CD244: variants seen among roughly 807,000 people sequenced by gnomAD.
CD244 encodes CD244 molecule.
CD244 carries 20 observed loss-of-function variants against 45.5 expected under a neutral mutation model. The ratio of observed to expected loss-of-function variants is 0.44; its 90% confidence interval spans 0.31 to 0.64. The LOEUF is 0.64. CD244 is among the 30% of genes least tolerant of loss of function. The pLI, the probability that CD244 is intolerant of heterozygous loss-of-function variation, is 0.08. For missense variants in CD244, 407 were observed against 426.9 expected (o/e 0.95, Z 0.41); for synonymous variants, 185 against 160.5 (o/e 1.15, Z -1.15).
chr1:160,842,920 C>A (rs1669595332), intron 1 of CD244, among the ~76,000 whole-genome samples: 1 of 152,062 alleles, frequency 6.6e-6, no homozygotes, highest in African/African-American at 2.4e-5. Context: ...CATGGCCCAG[C>A]AGGTGCAGGA....
At chr1:160,837,911 C>A (rs1182518242) in intron 5 of CD244, among the ~76,000 whole-genome samples, 1 of 152,332 alleles carries the variant, frequency 6.6e-6, no homozygotes, top group East Asian at 1.9e-4. Flanking sequence ...AGGCGAGAGG[C>A]TCCTGGAGGA....
At chr1:160,847,722 G>T (rs1036252673) in intron 1 of CD244, among the ~76,000 whole-genome samples, 22 of 152,098 alleles carry the variant, frequency 1.4e-4, no homozygotes, top group African/African-American at 4.8e-4. Context: ...CTTTAAATTT[G>T]TATATTGGAA....
chr1:160,840,536 C>T (rs1385274677), intron 3 of CD244, among the ~76,000 whole-genome samples: 1 of 152,206 alleles, frequency 6.6e-6, no homozygotes, highest in Non-Finnish European at 1.5e-5. Context: ...GCTGGGATTA[C>T]AGGGAGCCAC....
chr1:160,844,789 A>G lies in CD244; in HGVS notation c.62-2888T>C, dbSNP rs143726884. 4.5e-3 allele frequency among the ~76,000 whole-genome samples: 680 copies of G among 152,252 alleles called. 9 individuals are homozygous for G. Among genetic ancestry groups the G allele is most frequent in the African/African-American group, 0.016 (658 of 41,538 alleles). ...CGGGAGTTCGAGACCACCCTGGCCA[A>G]CATGGTAAAACCTCGTCTCTACTAA... On this transcript the variant is annotated intron_variant, in intron 1 of 8. Transcript: ENST00000368034.
At chr1:160,861,164 T>C (rs1300077055) in intron 1 of CD244, among the ~76,000 whole-genome samples, 1 of 151,598 alleles carries the variant, frequency 6.6e-6, no homozygotes, top group East Asian at 1.9e-4. Flanking sequence ...TAGACCAGGT[T>C]CCAACCTAGC....
Position 160,841,828 on chromosome 1 carries a change from C to A in CD244, c.135G>T (p.Gln45His). The A allele has an allele frequency of 6.2e-7, 1 of 1,614,168 alleles. No individual in the cohort carries two copies. Residue 45 changes from glutamine to histidine, a missense_variant, in exon 2 of 9, where the codon CAG becomes CAT. Gln to His is a conservative substitution (Grantham distance 24). Coordinates refer to ENST00000368034, the MANE Select transcript of CD244 (RefSeq NM_016382.4). Reference sequence around the variant, plus strand: ...TCCATGCAATGCTGTCAACCTTCGTCTGTATGCTGTTTGGTTGTAACTGAA... The same window carrying A: ...TCCATGCAATGCTGTCAACCTTCGTATGTATGCTGTTTGGTTGTAACTGAA... ...VPLQLQPNSI[Q>H]TKVDSIAWKK...
chr1:160,847,326 AT>A (rs1434856381), intron 1 of CD244, among the ~76,000 whole-genome samples: 1 of 152,026 alleles, frequency 6.6e-6, no homozygotes, highest in Non-Finnish European at 1.5e-5. Context: ...GGCTATAAGA[AT>A]TTGAAGATCA....
At chr1:160,832,303 A>G (rs757814955) in intron 8 of CD244, among the ~76,000 whole-genome samples, 1 of 152,202 alleles carries the variant, frequency 6.6e-6, no homozygotes, top group Non-Finnish European at 1.5e-5. Context: ...AGTAAGTATC[A>G]TATCTAAACA....
intron 1 of CD244, among the ~76,000 whole-genome samples, chr1:160,859,634 T>A (rs999410661): frequency 6.6e-6 from 1 of 151,776 alleles, no homozygotes; most frequent in Non-Finnish European, 1.5e-5. Context: ...TGGCTAGGCA[T>A]GATGGCTCAC....
intron 3 of CD244, among the ~76,000 whole-genome samples, 154 bp downstream of exon 3, chr1:160,841,056 G>A (rs898708564): frequency 6.6e-6 from 1 of 152,224 alleles, no homozygotes; most frequent in South Asian, 2.1e-4. Context: ...CAGGAACTGT[G>A]TGCCTGGAGG....
At position 160,831,397 on chromosome 1, in the gene CD244, G is replaced by A. The variant is rs544971422; in HGVS notation, c.1048C>T (p.Pro350Ser). 1.5e-5 allele frequency: 24 copies of A among 1,614,126 alleles called. No individual in the cohort carries two copies. In the Admixed American group the frequency reaches 2.7e-4, roughly 18 times the overall value. The change falls in exon 9 of 9, where the codon CCT (proline) becomes TCT (serine). Residue 350 changes from proline (P) to serine (S), a missense_variant. Transcript: ENST00000368034. The stretch of plus-strand genomic sequence containing the variant: ...AGCTCTTTGCGGCTCAATCGAGCAG[G>A]GTTCTGGGCTTTAGGTTGACTCTTT... ...IGKSQPKAQNPARLSRKELEN... is the reference protein window; with the variant it reads ...IGKSQPKAQNSARLSRKELEN...
rs750023963 is a variant in CD244 at position 160,834,079 on chromosome 1, AATGT to A, written c.928_931del (p.Thr310TyrfsTer4). ...CCTGGAAGGCTGAATTAATGAATATAATGTATATGCAGGTTCTTGTGACGTGGGA... is the reference window on the plus strand; with the variant it reads ...CCTGGAAGGCTGAATTAATGAATATAATATGCAGGTTCTTGTGACGTGGGA... On this transcript the variant is annotated frameshift_variant, in exon 7 of 9. Transcript: ENST00000368034. LOFTEE classifies it high-confidence loss of function. The A allele has an allele frequency of 6.2e-7, 1 of 1,612,310 alleles. No individual in the cohort carries two copies. The highest frequency in any genetic ancestry group is 1.1e-5 in the South Asian group (1 of 91,036).
chr1:160,831,892 T>C (rs1669138249), intron 8 of CD244, among the ~76,000 whole-genome samples: 1 of 152,190 alleles, frequency 6.6e-6, no homozygotes, highest in Non-Finnish European at 1.5e-5. Context: ...TTTCTCTGAG[T>C]ATAAATGGAA....
At chr1:160,846,996 A>C (rs7551159) in intron 1 of CD244, among the ~76,000 whole-genome samples, 19,786 of 152,100 alleles carry the variant, frequency 0.13, 3,839 homozygotes, top group African/African-American at 0.43. Context: ...ACAGAAAAAG[A>C]AATGAGAAGG....
chr1:160,839,625 T>C (rs1256689530), intron 3 of CD244, among the ~76,000 whole-genome samples: 1 of 152,222 alleles, frequency 6.6e-6, no homozygotes, highest in Non-Finnish European at 1.5e-5. Context: ...TAGAGGTGAC[T>C]TAAGTAAGGT....
chr1:160,851,236 G>A (rs1025126722), intron 1 of CD244, among the ~76,000 whole-genome samples: 8 of 152,140 alleles, frequency 5.3e-5, no homozygotes, highest in Non-Finnish European at 7.4e-5. Context: ...GGTTGGGGAC[G>A]GGCTCAGAGT....
At chr1:160,852,998 G>A (rs1250627219) in intron 1 of CD244, among the ~76,000 whole-genome samples, 1 of 152,088 alleles carries the variant, frequency 6.6e-6, no homozygotes, top group African/African-American at 2.4e-5. Flanking sequence ...ACTCCAGCCT[G>A]GGCAACAAGA....
chr1:160,856,201 G>C (rs1670100213), intron 1 of CD244, among the ~76,000 whole-genome samples: 1 of 152,126 alleles, frequency 6.6e-6, no homozygotes, highest in African/African-American at 2.4e-5. Flanking sequence ...AAAATCATAA[G>C]ATAGATAAAG....
At chr1:160,853,377 C>T (rs942650773) in intron 1 of CD244, among the ~76,000 whole-genome samples, 4 of 152,040 alleles carry the variant, frequency 2.6e-5, no homozygotes, top group African/African-American at 9.7e-5. Context: ...GGGGGGTTAT[C>T]AACTTGAAGG....
Sources: gnomAD v4.1 joint callset for allele counts (sites outside exome capture counted in the v4.1 genomes callset) on GRCh38, gnomAD v4.1.1 for gene constraint, MANE v1.5 for transcripts, NCBI Gene and HGNC (gene_info 2026-07-23, HGNC 2026-07-21) for gene names.